FBXL13: variants seen among roughly 807,000 people sequenced by gnomAD.
FBXL13 encodes F-box and leucine rich repeat protein 13, also known as F-box and leucine-rich repeat protein 13.
Under a neutral mutation model 83.6 loss-of-function variants are expected in FBXL13, and 67 were observed. The observed-to-expected ratio is 0.80, with a 90% confidence interval of 0.66 to 0.98. The LOEUF is 0.98. Ranked by LOEUF, FBXL13 falls within the 50% of genes least tolerant of loss-of-function variation. FBXL13 has a pLI of 0.00. For synonymous variants in FBXL13, 272 were observed against 299.5 expected (o/e 0.91, Z 0.95); for missense variants, 822 against 866.5 (o/e 0.95, Z 0.64).
intron 6 of FBXL13, among the ~76,000 whole-genome samples, chr7:103,011,910 C>A (rs998426123): frequency 4.6e-5 from 7 of 152,068 alleles, no homozygotes; most frequent in African/African-American, 1.7e-4. Context: ...GGAGAGAAAC[C>A]AAGGACCTTG....
At chr7:103,014,921 CAAAAAA>C (rs1166056647) in intron 6 of FBXL13, among the ~76,000 whole-genome samples, 1 of 20,626 alleles carries the variant, frequency 4.8e-5, no homozygotes, top group Non-Finnish European at 1.3e-4. Flanking sequence ...GACTCCGTCT[CAAAAAA>C]AAAAAAAAAA....
At chr7:102,811,439 A>T (rs1371162095), downstream of FBXL13, among the ~76,000 whole-genome samples, 2 of 152,170 alleles carry the variant, frequency 1.3e-5, no homozygotes, top group Non-Finnish European at 2.9e-5. Flanking sequence ...TTCATAGCTC[A>T]CTTTTTCTAC....
At chr7:102,823,454 G>C (rs1799091436) in intron 18 of FBXL13, among the ~76,000 whole-genome samples, 1 of 151,164 alleles carries the variant, frequency 6.6e-6, no homozygotes, top group Admixed American at 6.6e-5. Flanking sequence ...AGCAAGGGGA[G>C]AAAGAAGCAG....
chr7:102,929,759 GTGACTGT>G (rs1584992562), intron 9 of FBXL13, among the ~76,000 whole-genome samples: 1 of 151,958 alleles, frequency 6.6e-6, no homozygotes, highest in East Asian at 1.9e-4. Context: ...AAAATGAAGG[GTGACTGT>G]TGATGGGCAT....
At chr7:102,859,408 T>G (rs1331345150) in intron 16 of FBXL13, among the ~76,000 whole-genome samples, 1 of 152,188 alleles carries the variant, frequency 6.6e-6, no homozygotes, top group African/African-American at 2.4e-5. Flanking sequence ...GGGTTTTTTT[T>G]TTCTCAGAAA....
At chr7:102,978,402 C>T (rs1378008798) in intron 6 of FBXL13, 1 of 152,494 alleles carries the variant, frequency 6.6e-6, no homozygotes, top group East Asian at 1.9e-4. Context: ...AGGCGCAAGG[C>T]CACTTGTGCC....
At chr7:102,844,947 G>T (rs759512730) in intron 17 of FBXL13, among the ~76,000 whole-genome samples, 2 of 152,182 alleles carry the variant, frequency 1.3e-5, no homozygotes, top group Non-Finnish European at 2.9e-5. Flanking sequence ...TGAACAGCCA[G>T]ATGAAAAGGT....
At chr7:102,885,108 G>T (rs1810625360) in intron 11 of FBXL13, among the ~76,000 whole-genome samples, 1 of 152,108 alleles carries the variant, frequency 6.6e-6, no homozygotes, top group Non-Finnish European at 1.5e-5. Flanking sequence ...ACATCTATTT[G>T]TTTGAATATC....
chr7:102,977,310 G>A (rs961847343), intron 6 of FBXL13, among the ~76,000 whole-genome samples: 4 of 152,182 alleles, frequency 2.6e-5, no homozygotes, highest in Non-Finnish European at 4.4e-5. Flanking sequence ...ACAAATGTGC[G>A]TGGCAATTTA....
At chr7:102,815,311 T>C (rs928471969) in intron 19 of FBXL13, among the ~76,000 whole-genome samples, 1 of 152,248 alleles carries the variant, frequency 6.6e-6, no homozygotes, top group African/African-American at 2.4e-5. Flanking sequence ...CTTTGTTATT[T>C]TCCTTTTGTT....
At chr7:103,034,691 A>G (rs891953363) in intron 2 of FBXL13, among the ~76,000 whole-genome samples, 2 of 152,236 alleles carry the variant, frequency 1.3e-5, no homozygotes, top group Non-Finnish European at 2.9e-5. Flanking sequence ...AGTGCCGCCA[A>G]AGTGGGAGCC....
chr7:102,959,002 T>A (rs1332561330), intron 8 of FBXL13, among the ~76,000 whole-genome samples: 1 of 151,884 alleles, frequency 6.6e-6, no homozygotes, highest in Non-Finnish European at 1.5e-5. Context: ...CTTTTCAACA[T>A]TGCAAAAAAG....
chr7:103,052,110 A>G (rs1796877626), intron 2 of FBXL13, among the ~76,000 whole-genome samples: 1 of 152,234 alleles, frequency 6.6e-6, no homozygotes, highest in Admixed American at 6.5e-5. Flanking sequence ...GCAATCCACA[A>G]TTAATGGGAA....
chr7:102,946,813 T>C (rs1822588630), intron 8 of FBXL13, among the ~76,000 whole-genome samples: 1 of 152,066 alleles, frequency 6.6e-6, no homozygotes, highest in Admixed American at 6.5e-5. Context: ...TAGCTGGGAT[T>C]ACAGGCGCCC....
intron 1 of FBXL13, among the ~76,000 whole-genome samples, chr7:103,071,983 G>T (rs1799004380): frequency 6.6e-6 from 1 of 151,966 alleles, no homozygotes; most frequent in Non-Finnish European, 1.5e-5. Flanking sequence ...AGGAGTTCGA[G>T]ACCGGCCTGA....
intron 8 of FBXL13, chr7:102,944,210 C>T: frequency 6.3e-7 from 1 of 1,596,614 alleles, no homozygotes; most frequent in East Asian, 2.2e-5. Context: ...CTGTTTCCAG[C>T]CGCTTTTTTA....
intron 1 of FBXL13, among the ~76,000 whole-genome samples, chr7:103,059,696 C>T (rs1797667737): frequency 6.6e-6 from 1 of 152,022 alleles, no homozygotes; most frequent in African/African-American, 2.4e-5. Flanking sequence ...ACTCAGTTCC[C>T]AATATTTCTC....
At position 102,836,034 on chromosome 7, in the gene FBXL13, T is replaced by C. The variant is rs1307564516; in HGVS notation, c.1720-3060A>G. Among the ~76,000 whole-genome samples the C allele has an allele frequency of 2.0e-5, 3 of 152,180 alleles. No individual in the cohort carries two copies. In the East Asian group the frequency reaches 5.8e-4, roughly 29 times the overall value. On this transcript the variant is annotated intron_variant, in intron 17 of 19. Transcript: ENST00000313221. ...ACTATAAGAATAATTTATTGAAGGA[T>C]GAAACAAGCTTTAGAGGGAGATTCA...
chr7:102,813,084 C>T, downstream of FBXL13: 1 of 304,338 alleles, frequency 3.3e-6, no homozygotes, highest in Non-Finnish European at 6.0e-6. Flanking sequence ...TTATGGTCCA[C>T]CCGCCTTGGC....
Sources: gnomAD v4.1 joint callset for allele counts (sites outside exome capture counted in the v4.1 genomes callset) on GRCh38, gnomAD v4.1.1 for gene constraint, MANE v1.5 for transcripts, NCBI Gene and HGNC (gene_info 2026-07-23, HGNC 2026-07-21) for gene names.